The following PLB1 variants were observed in gnomAD, a reference collection of about 807,000 sequenced individuals.
PLB1 encodes the protein phospholipase B1, membrane-associated.
Under a neutral mutation model 227.4 loss-of-function variants are expected in PLB1, and 242 were observed. The ratio of observed to expected loss-of-function variants is 1.06; its 90% confidence interval spans 0.96 to 1.18. PLB1 has a LOEUF of 1.18. PLB1 is among the 50% of genes most tolerant of loss of function. The probability of loss-of-function intolerance (pLI) is 0.00; values close to 1 mark genes in which losing one functional copy is unlikely to be tolerated. For missense variants in PLB1, 1,858 were observed against 1,816.3 expected (o/e 1.02, Z -0.42); for synonymous variants, 757 against 682.2 (o/e 1.11, Z -1.71).
At chr2:28,572,850 G>A (rs1348106792) in intron 20 of PLB1, among the ~76,000 whole-genome samples, 1 of 152,190 alleles carries the variant, frequency 6.6e-6, no homozygotes, top group Non-Finnish European at 1.5e-5. Flanking sequence ...CTGTGTGAAT[G>A]TGCTAGAAGT....
At chr2:28,534,262 C>G (rs1159179793) in intron 9 of PLB1, among the ~76,000 whole-genome samples, 4 of 152,122 alleles carry the variant, frequency 2.6e-5, no homozygotes, top group African/African-American at 9.7e-5. Flanking sequence ...TAGTTTTTCA[C>G]TATTATAAAC....
intron 25 of PLB1, among the ~76,000 whole-genome samples, chr2:28,583,919 G>A (rs1295055503): frequency 6.6e-6 from 1 of 152,080 alleles, no homozygotes; most frequent in Non-Finnish European, 1.5e-5. Context: ...GACCCAGCCT[G>A]TATCACACAT....
At position 28,604,754 on chromosome 2, in the gene PLB1, C is replaced by G. The variant is rs775428571; in HGVS notation, c.2956C>G (p.Leu986Val). ...PFFQNIQLPV[L>V]ADGLPDTSFF... ...CTTCCAGAACATCCAGCTCCCTGTC[C>G]TGGCGGTATGTCCCCTGCCCTCACC... is the stretch of plus-strand genomic sequence containing the variant. Residue 986 changes from leucine (L) to valine (V), a missense_variant, in exon 41 of 58, where the codon CTG becomes GTG. Leu to Val is a conservative substitution (Grantham distance 32). Coordinates refer to ENST00000327757, the MANE Select transcript of PLB1 (RefSeq NM_153021.5). 8.7e-6 allele frequency: 14 copies of G among 1,613,944 alleles called. No individual in the cohort carries two copies. The South Asian group carries it at 1.3e-4, about 15-fold the overall frequency.
intron 23 of PLB1, among the ~76,000 whole-genome samples, 160 bp from the exon 24 acceptor site, chr2:28,581,908 C>T (rs1162502796): frequency 6.6e-6 from 1 of 151,750 alleles, no homozygotes; most frequent in Non-Finnish European, 1.5e-5. Context: ...TTGCAGTGAG[C>T]CATGATCACA....
At chr2:28,560,407 T>C (rs1390899972) in intron 17 of PLB1, among the ~76,000 whole-genome samples, 1 of 152,172 alleles carries the variant, frequency 6.6e-6, no homozygotes, top group Non-Finnish European at 1.5e-5. Context: ...TTCACTTTCT[T>C]ATGTGTATAA....
intron 23 of PLB1, 71 bp downstream of exon 23, chr2:28,579,778 G>A: frequency 7.6e-7 from 1 of 1,323,476 alleles, no homozygotes; most frequent in Non-Finnish European, 1.1e-6. Flanking sequence ...CACTTGCTCT[G>A]CCCGGGAGGA....
At chr2:28,630,934 T>C (rs1288934278) in intron 54 of PLB1, among the ~76,000 whole-genome samples, 1 of 152,074 alleles carries the variant, frequency 6.6e-6, no homozygotes, top group Non-Finnish European at 1.5e-5. Flanking sequence ...GTAGGGCCCA[T>C]TCCCCACCCA....
chr2:28,632,220 G>GTTT, intron 55 of PLB1, 80 bp downstream of exon 55: 1 of 1,078,374 alleles, frequency 9.3e-7, no homozygotes, highest in Admixed American at 2.4e-5. Flanking sequence ...CTCTAAGTGG[G>GTTT]CTTTTTTTTT....
chr2:28,640,867 C>T (rs1689891918), intron 56 of PLB1, 60 bp from the exon 57 acceptor site: 2 of 1,522,226 alleles, frequency 1.3e-6, no homozygotes, highest in African/African-American at 1.4e-5. Context: ...GACACCCCCT[C>T]AGAGAGGAAA....
chr2:28,565,852 A>G (rs1443530727), intron 19 of PLB1, among the ~76,000 whole-genome samples: 1 of 152,200 alleles, frequency 6.6e-6, no homozygotes, highest in Admixed American at 6.5e-5. Context: ...ACAGTGCTTG[A>G]CACTAAGTAT....
At chr2:28,550,169 G>GT in intron 16 of PLB1, 85 bp downstream of exon 16, 2 of 1,049,636 alleles carry the variant, frequency 1.9e-6, no homozygotes, top group Admixed American at 2.7e-5. Flanking sequence ...CCTTCCACGT[G>GT]GTTTTTTTTT....
chr2:28,592,369 A>G (rs1202863870), intron 31 of PLB1, among the ~76,000 whole-genome samples: 1 of 141,648 alleles, frequency 7.1e-6, no homozygotes, highest in Non-Finnish European at 1.5e-5. Flanking sequence ...CCTCCCTCCC[A>G]CCTTTCCCTT....
At position 28,601,763 on chromosome 2, in the gene PLB1, T is replaced by C. The variant is rs1041768450; in HGVS notation, c.2608-136T>C. On this transcript the variant is annotated intron_variant, in intron 37 of 57. Transcript: ENST00000327757. ...CAACTGTTCATCTCAGATTTTGACA[T>C]GGTGAGCTGGCCACAGCTGGAGGCT... is the stretch of plus-strand genomic sequence containing the variant. 2.1e-5 allele frequency: 16 copies of C among 749,044 alleles called. No individual in the cohort carries two copies. In the African/African-American group the frequency reaches 2.8e-4, roughly 13 times the overall value. 46.4% of individuals were successfully genotyped at this position (749,044 alleles called of 1,614,324 possible). A position where few individuals can be genotyped will look rare whatever the true frequency, so the allele number is the denominator to read the frequency against.
At chr2:28,564,407 C>T (rs1216767850) in intron 18 of PLB1, among the ~76,000 whole-genome samples, 1 of 152,228 alleles carries the variant, frequency 6.6e-6, no homozygotes, top group Non-Finnish European at 1.5e-5. Context: ...CCACTCTTTA[C>T]CCCAAAGACC....
At position 28,643,122 on chromosome 2, in the gene PLB1, C is replaced by A; in HGVS notation, c.*61C>A. 7.0e-7 allele frequency: 1 copy of A among 1,430,446 alleles called. No homozygotes were observed. Among genetic ancestry groups the A allele is most frequent in the South Asian group, 1.5e-5 (1 of 67,260 alleles). The allele number at this position is 1,430,446 out of a possible 1,614,324, so 88.6% of individuals were successfully genotyped here. ...GCCACTCTCTTCACCGCCCTCTGCC[C>A]CAGCCACTCCCGGCCACCAGGACAT... is the stretch of plus-strand genomic sequence containing the variant. On this transcript the variant is annotated 3_prime_UTR_variant, in exon 58 of 58. Transcript: ENST00000327757.
intron 9 of PLB1, among the ~76,000 whole-genome samples, 187 bp from the exon 10 acceptor site, chr2:28,538,132 G>A (rs1181939120): frequency 6.6e-6 from 1 of 152,138 alleles, no homozygotes. Context: ...GGAGAAAATA[G>A]AAGAACAAAA....
chr2:28,545,063 C>T (rs765326715), intron 14 of PLB1, among the ~76,000 whole-genome samples: 17 of 152,164 alleles, frequency 1.1e-4, no homozygotes, highest in Non-Finnish European at 2.1e-4. Context: ...GTACACCCCA[C>T]GTACGGTCTC....
At chr2:28,640,801 C>A in intron 56 of PLB1, 126 bp from the exon 57 acceptor site, 4 of 966,530 alleles carry the variant, frequency 4.1e-6, no homozygotes, top group South Asian at 3.2e-5. Context: ...CAAAAACCAG[C>A]CACTTCGCTG....
At chr2:28,585,979 C>T in intron 26 of PLB1, 137 bp downstream of exon 26, 2 of 720,264 alleles carry the variant, frequency 2.8e-6, no homozygotes, top group Non-Finnish European at 4.8e-6. Context: ...GATTTTAAAA[C>T]ACCCTGAGAC....
Sources: allele counts gnomAD v4.1 joint callset (sites outside exome capture counted in the v4.1 genomes callset), GRCh38; gene constraint gnomAD v4.1.1; transcripts MANE v1.5; gene names NCBI Gene and HGNC (gene_info 2026-07-23, HGNC 2026-07-21).